The following ITGA9 variants were observed in gnomAD, a reference collection of about 807,000 sequenced individuals.
ITGA9 encodes integrin alpha-9.
ITGA9 carries 56 observed loss-of-function variants against 127.8 expected under a neutral mutation model. That is an observed-to-expected ratio of 0.44 (90% CI 0.35 to 0.55). The LOEUF (loss-of-function observed/expected upper bound fraction) is 0.55. ITGA9 is among the 20% of genes least tolerant of loss of function. The pLI is 0.00. For missense variants in ITGA9, 1,196 were observed against 1,347.1 expected, an observed-to-expected ratio of 0.89 and a Z score of 1.76; for synonymous variants, 508 against 514.5, an observed-to-expected ratio of 0.99 and a Z score of 0.17.
intron 15 of ITGA9, among the ~76,000 whole-genome samples, chr3:37,583,602 C>T (rs941152837): frequency 1.3e-5 from 2 of 152,170 alleles, no homozygotes; most frequent in Non-Finnish European, 2.9e-5. Flanking sequence ...AATCTTATTT[C>T]TATCTTTGCA....
chr3:37,466,342 G>C (rs1352914882), intron 1 of ITGA9, among the ~76,000 whole-genome samples: 1 of 151,852 alleles, frequency 6.6e-6, no homozygotes, highest in East Asian at 1.9e-4. Context: ...AATTAGCGGG[G>C]CGTGGTGGCG....
At chr3:37,789,768 C>CAAAAAA (rs71635850) in intron 26 of ITGA9, among the ~76,000 whole-genome samples, 1 of 35,688 alleles carries the variant, frequency 2.8e-5, no homozygotes, top group Non-Finnish European at 4.6e-5. Context: ...GACTCCGTCT[C>CAAAAAA]AAAAAAAAAA....
In ITGA9 at chr3:37,627,450, C is replaced by A. The variant is rs534030578; in HGVS notation, c.1690-1737C>A. On this transcript the variant is annotated intron_variant, in intron 15 of 27. Coordinates refer to ENST00000264741, the MANE Select transcript of ITGA9 (RefSeq NM_002207.3). ...TGCATGCATTCTACTCACCTCCTCT[C>A]CCCCCGCAGCCCCGAGGAACTCTGA... Among the ~76,000 whole-genome samples, 235 of 152,156 alleles carry A rather than the reference C, an allele frequency of 1.5e-3. 1 individual carries two copies. The highest frequency in any genetic ancestry group is 2.7e-3 in the Non-Finnish European group (182 of 68,006).
intron 23 of ITGA9, among the ~76,000 whole-genome samples, chr3:37,759,018 A>G (rs1461052412): frequency 6.6e-6 from 1 of 151,926 alleles, no homozygotes; most frequent in Non-Finnish European, 1.5e-5. Flanking sequence ...GACAGCCCCT[A>G]CAAAACCAGG....
chr3:37,732,577 C>G (rs1483553050), intron 18 of ITGA9, 135 bp from the exon 19 acceptor site: 1 of 725,550 alleles, frequency 1.4e-6, no homozygotes, highest in African/African-American at 1.7e-5. Flanking sequence ...TGGAGACGGC[C>G]TGGTCAGGGC....
chr3:37,499,758 C>T (rs959348192), intron 5 of ITGA9, among the ~76,000 whole-genome samples: 2 of 152,050 alleles, frequency 1.3e-5, no homozygotes, highest in East Asian at 1.9e-4. Flanking sequence ...GCACTGGGGG[C>T]GGAGTGGCGT....
intron 15 of ITGA9, among the ~76,000 whole-genome samples, chr3:37,627,247 A>G (rs569227424): frequency 1.3e-5 from 2 of 152,228 alleles, no homozygotes; most frequent in African/African-American, 4.8e-5. Context: ...TCTGCCAGTC[A>G]CTCGGGCTCC....
At chr3:37,516,962 C>T (rs571177839) in intron 9 of ITGA9, among the ~76,000 whole-genome samples, 12 of 152,254 alleles carry the variant, frequency 7.9e-5, no homozygotes, top group Non-Finnish European at 1.3e-4. Context: ...GGCACAGTGA[C>T]GTCTGCCATC....
intron 18 of ITGA9, among the ~76,000 whole-genome samples, chr3:37,700,693 C>T (rs1700937252): frequency 6.6e-6 from 1 of 152,190 alleles, no homozygotes; most frequent in Non-Finnish European, 1.5e-5. Context: ...GTAACTGCAG[C>T]AGTGCCTGGA....
At chr3:37,676,889 A>G (rs1296912303) in intron 17 of ITGA9, among the ~76,000 whole-genome samples, 2 of 151,768 alleles carry the variant, frequency 1.3e-5, no homozygotes, top group African/African-American at 2.4e-5. Flanking sequence ...GATCATGTTT[A>G]TTTTTCTCTC....
intron 16 of ITGA9, among the ~76,000 whole-genome samples, chr3:37,645,243 G>T (rs899175872): frequency 4.6e-5 from 7 of 152,142 alleles, no homozygotes; most frequent in Admixed American, 4.6e-4. Flanking sequence ...TAGGGGCAGA[G>T]ACCTTCTGCT....
intron 16 of ITGA9, among the ~76,000 whole-genome samples, chr3:37,649,662 A>C (rs952863616): frequency 2.0e-5 from 3 of 152,358 alleles, no homozygotes; most frequent in Admixed American, 2.0e-4. Context: ...ACATCTAGAC[A>C]GAAAATCAGT....
intron 13 of ITGA9, 40 bp from the exon 14 acceptor site, chr3:37,533,274 C>T: frequency 6.2e-7 from 1 of 1,606,418 alleles, no homozygotes; most frequent in Non-Finnish European, 8.5e-7. Context: ...GAGAGCTGCT[C>T]CTTACCACGA....
intron 7 of ITGA9, 30 bp downstream of exon 7, chr3:37,506,115 G>A (rs1389869798): frequency 1.3e-6 from 2 of 1,506,950 alleles, no homozygotes; most frequent in South Asian, 2.3e-5. Flanking sequence ...GAATAGCTGG[G>A]GTCAGACAGA....
At chr3:37,543,295 A>G (rs1012228704) in intron 15 of ITGA9, among the ~76,000 whole-genome samples, 1 of 152,074 alleles carries the variant, frequency 6.6e-6, no homozygotes, top group Non-Finnish European at 1.5e-5. Flanking sequence ...CAGAGAGCGG[A>G]GGAGGTGGAA....
At chr3:37,462,250 C>G (rs1698323367) in intron 1 of ITGA9, among the ~76,000 whole-genome samples, 1 of 152,194 alleles carries the variant, frequency 6.6e-6, no homozygotes, top group Admixed American at 6.5e-5. Flanking sequence ...AAGCTGGGGA[C>G]CAATGTCACT....
intron 15 of ITGA9, among the ~76,000 whole-genome samples, chr3:37,591,304 C>T (rs1699815816): frequency 6.6e-6 from 1 of 152,182 alleles, no homozygotes; most frequent in Non-Finnish European, 1.5e-5. Flanking sequence ...GGAGCATTTT[C>T]CATTTTCATA....
chr3:37,711,116 G>A (rs572378571), intron 18 of ITGA9, among the ~76,000 whole-genome samples: 1 of 152,252 alleles, frequency 6.6e-6, no homozygotes, highest in African/African-American at 2.4e-5. Flanking sequence ...GTGGCCCCTC[G>A]CTTGGCTGGC....
At chr3:37,812,510 C>A (rs1464153363) in intron 27 of ITGA9, among the ~76,000 whole-genome samples, 1 of 152,336 alleles carries the variant, frequency 6.6e-6, no homozygotes, top group South Asian at 2.1e-4. Context: ...TCATGCCTCA[C>A]GCAGCACCCA....
Sources: gnomAD v4.1 joint callset for allele counts (sites outside exome capture counted in the v4.1 genomes callset) on GRCh38, gnomAD v4.1.1 for gene constraint, MANE v1.5 for transcripts, NCBI Gene and HGNC (gene_info 2026-07-23, HGNC 2026-07-21) for gene names.